The following GALNTL6 variants were observed in gnomAD, a reference collection of about 807,000 sequenced individuals.
GALNTL6 encodes the protein polypeptide N-acetylgalactosaminyltransferase-like 6.
In GALNTL6, 46 loss-of-function variants were observed where a neutral mutation model predicts 73.7. That is an observed-to-expected ratio of 0.62 (90% CI 0.49 to 0.80). The LOEUF is 0.80. Among genes scored for constraint, GALNTL6 ranks in the 30% least tolerant of loss-of-function variants. The pLI is 0.00. For missense variants in GALNTL6, 604 were observed against 755.0 expected (o/e 0.80, Z 2.34); for synonymous variants, 259 against 263.7 (o/e 0.98, Z 0.17).
intron 4 of GALNTL6, among the ~76,000 whole-genome samples, chr4:172,348,258 A>C (rs2111215048): frequency 6.6e-6 from 1 of 152,338 alleles, no homozygotes; most frequent in South Asian, 2.1e-4. Flanking sequence ...CATCAACAAG[A>C]GCACAACATT....
At chr4:171,863,796 C>T (rs1054584228) in intron 2 of GALNTL6, among the ~76,000 whole-genome samples, 4 of 151,098 alleles carry the variant, frequency 2.6e-5, no homozygotes, top group Admixed American at 2.0e-4. Context: ...TTACTCTTGT[C>T]GCCCAAGCTG....
intron 5 of GALNTL6, among the ~76,000 whole-genome samples, chr4:172,714,677 G>T (rs979529048): frequency 2.0e-5 from 3 of 152,120 alleles, no homozygotes; most frequent in Non-Finnish European, 4.4e-5. Context: ...TAGGGTACAT[G>T]TGCAGAACCT....
At chr4:172,333,795 C>T (rs1181199955) in intron 4 of GALNTL6, among the ~76,000 whole-genome samples, 1 of 152,020 alleles carries the variant, frequency 6.6e-6, no homozygotes, top group Admixed American at 6.6e-5. Context: ...CCAATGTTTT[C>T]TTCTAATATT....
At chr4:172,779,008 TAC>T (rs36125820) in intron 5 of GALNTL6, among the ~76,000 whole-genome samples, 11 of 150,256 alleles carry the variant, frequency 7.3e-5, no homozygotes, top group East Asian at 3.9e-4. Context: ...CACACTCCCA[TAC>T]ACACACACAC....
Position 172,255,569 on chromosome 4 carries a change from T to C in GALNTL6, c.247+25805T>C, listed in dbSNP as rs1027828664. 4.4e-4 allele frequency among the ~76,000 whole-genome samples: 66 copies of C among 151,556 alleles called. 1 individual carries two copies. Among genetic ancestry groups the C allele is most frequent in the African/African-American group, 1.6e-3 (66 of 41,494 alleles). On this transcript the variant is annotated intron_variant, in intron 3 of 12. Transcript: ENST00000506823. ...TTCTTTCTCTTCTTCTTTACTTTTC[T>C]CTTTTGGTGCATATTATGATCTTAT...
At chr4:172,891,349 G>A (rs1746020409) in intron 8 of GALNTL6, among the ~76,000 whole-genome samples, 1 of 151,988 alleles carries the variant, frequency 6.6e-6, no homozygotes, top group Non-Finnish European at 1.5e-5. Flanking sequence ...TCTTTTGTAA[G>A]GCAGGTCTAG....
At chr4:172,558,523 A>G (rs1736227867) in intron 5 of GALNTL6, among the ~76,000 whole-genome samples, 1 of 152,216 alleles carries the variant, frequency 6.6e-6, no homozygotes, top group Non-Finnish European at 1.5e-5. Flanking sequence ...GTGAGGATAC[A>G]GAGAGAAGGT....
At chr4:172,941,891 TC>T (rs1362118564) in intron 9 of GALNTL6, among the ~76,000 whole-genome samples, 2 of 152,212 alleles carry the variant, frequency 1.3e-5, no homozygotes, top group Non-Finnish European at 2.9e-5. Flanking sequence ...ATTAACTTCT[TC>T]CCATGAGATG....
At chr4:172,139,276 G>C (rs1231300293) in intron 2 of GALNTL6, among the ~76,000 whole-genome samples, 1 of 152,088 alleles carries the variant, frequency 6.6e-6, no homozygotes, top group Non-Finnish European at 1.5e-5. Flanking sequence ...ATGTTAAAGT[G>C]CTTCCTTTAA....
intron 2 of GALNTL6, among the ~76,000 whole-genome samples, chr4:172,034,291 A>G (rs907424320): frequency 2.0e-5 from 3 of 151,962 alleles, no homozygotes; most frequent in Admixed American, 1.3e-4. Flanking sequence ...GGAGCTGGCC[A>G]TAGCTGGGAT....
intron 2 of GALNTL6, among the ~76,000 whole-genome samples, chr4:171,893,109 T>C (rs1281554505): frequency 6.6e-6 from 1 of 152,234 alleles, no homozygotes; most frequent in Non-Finnish European, 1.5e-5. Flanking sequence ...GGTTTATTGA[T>C]GTTGAGGTCT....
At chr4:172,447,964 T>G (rs1732085962) in intron 5 of GALNTL6, among the ~76,000 whole-genome samples, 1 of 152,186 alleles carries the variant, frequency 6.6e-6, no homozygotes, top group Non-Finnish European at 1.5e-5. Context: ...TAGGAGATTA[T>G]TATAAAGGGT....
intron 5 of GALNTL6, among the ~76,000 whole-genome samples, chr4:172,398,376 ATT>A (rs1743922810): frequency 6.6e-6 from 1 of 152,202 alleles, no homozygotes; most frequent in Non-Finnish European, 1.5e-5. Context: ...ATTAAATGGC[ATT>A]TATGAAAACA....
intron 2 of GALNTL6, among the ~76,000 whole-genome samples, chr4:172,206,805 G>GTTTGTTGTTTTTTTTTTTTTT (rs1554003003): frequency 7.7e-5 from 2 of 26,130 alleles, no homozygotes; most frequent in African/African-American, 1.9e-4. Flanking sequence ...TTGTTTTTCT[G>GTTTGTTGTTTTTTTTTTTTTT]TTTTTTTTGT....
chr4:172,856,824 C>T (rs546873119), intron 7 of GALNTL6, among the ~76,000 whole-genome samples: 68 of 152,312 alleles, frequency 4.5e-4, no homozygotes, highest in Admixed American at 3.9e-3. Flanking sequence ...GAAAATGTCA[C>T]TGTGCCTCTG....
chr4:172,916,606 G>C (rs1405531391), intron 8 of GALNTL6, among the ~76,000 whole-genome samples: 1 of 152,074 alleles, frequency 6.6e-6, no homozygotes, highest in Non-Finnish European at 1.5e-5. Context: ...ACCAATAACA[G>C]ACAAACAGAG....
At chr4:172,786,052 G>T (rs1416176054) in intron 5 of GALNTL6, among the ~76,000 whole-genome samples, 1 of 152,020 alleles carries the variant, frequency 6.6e-6, no homozygotes, top group East Asian at 1.9e-4. Context: ...ATAGAAAGGG[G>T]GAATTATGTG....
At chr4:172,551,259 TACTC>T (rs1320661940) in intron 5 of GALNTL6, among the ~76,000 whole-genome samples, 4 of 152,208 alleles carry the variant, frequency 2.6e-5, no homozygotes, top group African/African-American at 7.2e-5. Flanking sequence ...AAATTATAAA[TACTC>T]ACTTTATTTT....
At position 173,031,287 on chromosome 4, in the gene GALNTL6, C is replaced by T. The variant is rs148825920; in HGVS notation, c.1639-8646C>T. Among the ~76,000 whole-genome samples, 360 of 152,284 alleles carry T rather than the reference C, an allele frequency of 2.4e-3. 1 individual carries two copies. The highest frequency in any genetic ancestry group is 8.2e-3 in the African/African-American group (342 of 41,546). On this transcript the variant is annotated intron_variant, in intron 12 of 12. Transcript: ENST00000506823. ...TCAATTGATGTTAGCCGCTACTATA[C>T]CATGCATTCAGCAAGATAACTTCTG...
Sources: allele counts gnomAD v4.1 joint callset (sites outside exome capture counted in the v4.1 genomes callset), GRCh38; gene constraint gnomAD v4.1.1; transcripts MANE v1.5; gene names NCBI Gene and HGNC (gene_info 2026-07-23, HGNC 2026-07-21).